TTC3: variants seen among roughly 807,000 people sequenced by gnomAD.
TTC3 encodes the protein E3 ubiquitin-protein ligase TTC3.
TTC3 carries 180 observed loss-of-function variants against 249.6 expected under a neutral mutation model. The observed-to-expected ratio is 0.72, with a 90% CI of 0.64 to 0.82. The LOEUF is 0.82. Ranked by LOEUF, TTC3 falls within the 40% of genes least tolerant of loss-of-function variation. The probability of loss-of-function intolerance (pLI) is 0.00; values close to 1 mark genes in which losing one functional copy is unlikely to be tolerated. For missense variants in TTC3, 2,061 were observed against 2,398.4 expected, an observed-to-expected ratio of 0.86 and a Z score of 2.94; for synonymous variants, 717 against 805.0, an observed-to-expected ratio of 0.89 and a Z score of 1.85.
chr21:37,157,922 A>C (rs1234745551), intron 28 of TTC3, among the ~76,000 whole-genome samples: 1 of 152,192 alleles, frequency 6.6e-6, no homozygotes, highest in African/African-American at 2.4e-5. Flanking sequence ...AGTCCCTCAG[A>C]ATCAGAAGTC....
intron 41 of TTC3, 22 bp downstream of exon 41, chr21:37,192,235 T>G: frequency 6.7e-7 from 1 of 1,498,292 alleles, no homozygotes; most frequent in Non-Finnish European, 9.0e-7. Context: ...ACATCTTTTT[T>G]TTTTTTTTAA....
chr21:37,113,765 C>T (rs2075878971), intron 11 of TTC3, among the ~76,000 whole-genome samples: 1 of 152,178 alleles, frequency 6.6e-6, no homozygotes. Flanking sequence ...CTGGAGGCAT[C>T]ATGCTTACCT....
chr21:37,153,182 A>G (rs764236270), exon 27 of TTC3: 3 of 1,614,206 alleles, frequency 1.9e-6, no homozygotes, highest in East Asian at 2.2e-5. Context: ...CAAGAAAATA[A>G]CAGAGTAAAG....
At chr21:37,073,692 C>T (rs897199886) in intron 1 of TTC3, among the ~76,000 whole-genome samples, 3 of 152,210 alleles carry the variant, frequency 2.0e-5, no homozygotes, top group Admixed American at 1.3e-4. Context: ...GCCCGTGCCT[C>T]GGCCGGTGCG....
intron 11 of TTC3, among the ~76,000 whole-genome samples, chr21:37,113,002 T>G (rs1167686200): frequency 3.3e-5 from 5 of 152,232 alleles, no homozygotes; most frequent in Non-Finnish European, 7.3e-5. Flanking sequence ...CGCTTCATGC[T>G]AAAAACTCTC....
intron 33 of TTC3, among the ~76,000 whole-genome samples, chr21:37,166,824 A>G (rs955224811): frequency 2.6e-5 from 4 of 152,236 alleles, no homozygotes. Flanking sequence ...CCAATAAACA[A>G]TACCCATCTT....
chr21:37,146,064 A>C (rs1250369987), intron 21 of TTC3, among the ~76,000 whole-genome samples: 10 of 152,246 alleles, frequency 6.6e-5, no homozygotes, highest in Non-Finnish European at 1.3e-4. Flanking sequence ...AAAAACTTGT[A>C]CATGAATGTT....
At chr21:37,112,231 C>T (rs2075735280) in intron 11 of TTC3, among the ~76,000 whole-genome samples, 1 of 152,104 alleles carries the variant, frequency 6.6e-6, no homozygotes, top group African/African-American at 2.4e-5. Context: ...ACAAAAAACC[C>T]TTCAAAAAAT....
chr21:37,096,587 A>T, exon 10 of TTC3: 1 of 1,611,318 alleles, frequency 6.2e-7, no homozygotes, highest in Non-Finnish European at 8.5e-7. Flanking sequence ...TAAGACCTGA[A>T]AACTACCTTC....
intron 34 of TTC3, 99 bp downstream of exon 34, chr21:37,167,719 A>G: frequency 1.2e-6 from 1 of 834,020 alleles, no homozygotes; most frequent in East Asian, 3.0e-5. Context: ...AGCTTATTCC[A>G]CACAAAGTTA....
chr21:37,196,092 C>T (rs1188050852), intron 42 of TTC3, 56 bp downstream of exon 42: 5 of 1,580,244 alleles, frequency 3.2e-6, no homozygotes, highest in East Asian at 2.2e-5. Context: ...CTGAGGTTTC[C>T]TGATTAGATA....
chr21:37,132,426 C>T (rs2077550413), intron 16 of TTC3, among the ~76,000 whole-genome samples: 1 of 151,664 alleles, frequency 6.6e-6, no homozygotes, highest in Non-Finnish European at 1.5e-5. Flanking sequence ...AATTCTCCTG[C>T]CTCAGCCTCC....
At chr21:37,150,730 T>G in intron 24 of TTC3, 90 bp from the exon 25 acceptor site, 1 of 844,082 alleles carries the variant, frequency 1.2e-6, no homozygotes, top group Non-Finnish European at 2.0e-6. Flanking sequence ...GAACATTATG[T>G]GTGCTTCTGA....
In TTC3 at chr21:37,108,594, C is replaced by G. The variant is rs1260950829; in HGVS notation, c.900+148C>G. On this transcript the variant is annotated intron_variant, in intron 11 of 45. Transcript: ENST00000355666. ...AAAGGGGAGTCATCAGATCCATGAT[C>G]AGCGTGGGGACCCAGCCACAGCACT... The G allele has an allele frequency of 3.9e-6, 3 of 767,268 alleles. No individual in the cohort carries two copies. In the East Asian group the frequency reaches 8.5e-5, roughly 22 times the overall value. 47.5% of individuals were successfully genotyped at this position (767,268 alleles called of 1,614,324 possible). A position where few individuals can be genotyped will look rare whatever the true frequency, so the allele number is the denominator to read the frequency against.
chr21:37,090,309 G>T, intron 6 of TTC3, 23 bp downstream of exon 6: 1 of 1,598,022 alleles, frequency 6.3e-7, no homozygotes, highest in South Asian at 1.1e-5. Context: ...CACTGAAACT[G>T]GCACAGCCAC....
intron 11 of TTC3, 47 bp downstream of exon 11, chr21:37,108,493 A>G (rs958119184): frequency 1.9e-6 from 3 of 1,540,008 alleles, no homozygotes; most frequent in South Asian, 1.2e-5. Context: ...GCCATACAAC[A>G]TTGTGAAAAA....
intron 34 of TTC3, among the ~76,000 whole-genome samples, chr21:37,167,937 G>C: frequency 6.6e-6 from 1 of 151,576 alleles, no homozygotes; most frequent in Non-Finnish European, 1.5e-5. Flanking sequence ...AGGCTGGCCA[G>C]CTTTATTGTT....
At chr21:37,096,584 T>C (rs199891148) in exon 10 of TTC3, 3 of 1,610,872 alleles carry the variant, frequency 1.9e-6, no homozygotes, top group Non-Finnish European at 2.5e-6. Flanking sequence ...TTTTAAGACC[T>C]GAAAACTACC....
At chr21:37,118,984 T>C (rs893702378) in intron 11 of TTC3, among the ~76,000 whole-genome samples, 1 of 152,200 alleles carries the variant, frequency 6.6e-6, no homozygotes, top group African/African-American at 2.4e-5. Context: ...ATAATAAGTA[T>C]TTCAATGTCC....
Sources: allele counts gnomAD v4.1 joint callset (sites outside exome capture counted in the v4.1 genomes callset), GRCh38; gene constraint gnomAD v4.1.1; transcripts MANE v1.5; gene names NCBI Gene and HGNC (gene_info 2026-07-23, HGNC 2026-07-21).